The following CFAP299 variants were observed in gnomAD, a reference collection of about 807,000 sequenced individuals.
CFAP299 encodes cilia- and flagella-associated protein 299.
A neutral mutation model predicts 27.0 loss-of-function variants in CFAP299; 21 were observed. That is an observed-to-expected ratio of 0.78 (90% CI 0.55 to 1.12). CFAP299 has a LOEUF of 1.12. Ranked by LOEUF, CFAP299 falls within the 50% of genes most tolerant of loss-of-function variation. The probability of loss-of-function intolerance (pLI) is 0.00; values close to 1 mark genes in which losing one functional copy is unlikely to be tolerated. For synonymous variants in CFAP299, 104 were observed against 98.1 expected (o/e 1.06, Z -0.36); for missense variants, 310 against 276.6 (o/e 1.12, Z -0.86).
intron 2 of CFAP299, among the ~76,000 whole-genome samples, chr4:80,490,425 G>A (rs924477203): frequency 2.6e-5 from 4 of 151,988 alleles, no homozygotes; most frequent in African/African-American, 9.7e-5. Flanking sequence ...ACAAATTACC[G>A]CACACTTTTG....
chr4:80,398,123 C>T (rs1416310488), intron 2 of CFAP299, among the ~76,000 whole-genome samples: 2 of 152,170 alleles, frequency 1.3e-5, no homozygotes, highest in African/African-American at 4.8e-5. Flanking sequence ...AGGAATCCAA[C>T]TTACAAGGCA....
At chr4:80,599,676 G>T (rs1407190830) in intron 3 of CFAP299, among the ~76,000 whole-genome samples, 1 of 152,060 alleles carries the variant, frequency 6.6e-6, no homozygotes, top group Admixed American at 6.6e-5. Flanking sequence ...GTTACCTCAT[G>T]ATTGCATTGT....
intron 2 of CFAP299, among the ~76,000 whole-genome samples, chr4:80,527,325 A>C (rs1733244475): frequency 6.6e-6 from 1 of 152,124 alleles, no homozygotes; most frequent in African/African-American, 2.4e-5. Context: ...TAGGTTATGA[A>C]GGCACAGGAG....
At chr4:80,717,929 A>G (rs893218215) in intron 3 of CFAP299, among the ~76,000 whole-genome samples, 1 of 152,088 alleles carries the variant, frequency 6.6e-6, no homozygotes, top group African/African-American at 2.4e-5. Flanking sequence ...TTTTACAATC[A>G]TTTTTAGTTT....
chr4:80,929,855 G>A (rs1332006026), intron 4 of CFAP299, among the ~76,000 whole-genome samples: 1 of 152,124 alleles, frequency 6.6e-6, no homozygotes, highest in African/African-American at 2.4e-5. Context: ...CTGTGGGTAT[G>A]TCTCCAGTCT....
At chr4:80,464,951 G>C (rs1729633350) in intron 2 of CFAP299, among the ~76,000 whole-genome samples, 1 of 151,870 alleles carries the variant, frequency 6.6e-6, no homozygotes, top group Non-Finnish European at 1.5e-5. Context: ...TTTACGAATG[G>C]TATTAAAGTT....
chr4:80,593,624 A>C lies in CFAP299; in HGVS notation c.333+10441A>C, dbSNP rs1736898639. 3.9e-5 allele frequency among the ~76,000 whole-genome samples: 6 copies of C among 151,994 alleles called. 1 individual carries two copies. The South Asian group carries it at 1.2e-3, about 31-fold the overall frequency. On this transcript the variant is annotated intron_variant, in intron 3 of 5. Transcript: ENST00000358105. Reference sequence around the variant, plus strand: ...TTTTTCCTGAGCAGGCTGGCTAGAGATTTTATCCATCTTCTCAAAGAGCCA... The same window carrying C: ...TTTTTCCTGAGCAGGCTGGCTAGAGCTTTTATCCATCTTCTCAAAGAGCCA...
chr4:80,843,013 C>T (rs1730948741), intron 3 of CFAP299, among the ~76,000 whole-genome samples: 1 of 151,888 alleles, frequency 6.6e-6, no homozygotes, highest in Non-Finnish European at 1.5e-5. Flanking sequence ...GTTGGGGCAA[C>T]ATCTTTTCAC....
intron 3 of CFAP299, among the ~76,000 whole-genome samples, chr4:80,731,413 G>A (rs576113661): frequency 9.9e-5 from 15 of 152,270 alleles, no homozygotes; most frequent in East Asian, 7.7e-4. Context: ...GCATGCATGC[G>A]GAAATGCCCA....
At chr4:80,834,189 T>A (rs1023237839) in intron 3 of CFAP299, among the ~76,000 whole-genome samples, 1 of 152,186 alleles carries the variant, frequency 6.6e-6, no homozygotes, top group East Asian at 1.9e-4. Context: ...AATAAATATG[T>A]ACTGAGTAGA....
At chr4:80,960,999 A>C (rs1230178373) in intron 5 of CFAP299, among the ~76,000 whole-genome samples, 2 of 151,756 alleles carry the variant, frequency 1.3e-5, no homozygotes, top group Non-Finnish European at 3.0e-5. Context: ...TCATCTATAT[A>C]TCAAGCGAGT....
At chr4:80,929,621 CA>C (rs1438465456) in intron 4 of CFAP299, among the ~76,000 whole-genome samples, 4 of 152,000 alleles carry the variant, frequency 2.6e-5, no homozygotes, top group African/African-American at 4.8e-5. Flanking sequence ...ATCATTTTTC[CA>C]TTCTAGCCTG....
chr4:80,748,744 T>C (rs371464228), intron 3 of CFAP299, among the ~76,000 whole-genome samples: 12 of 152,296 alleles, frequency 7.9e-5, no homozygotes, highest in African/African-American at 2.6e-4. Flanking sequence ...CTCATCAATA[T>C]TATCTCTAAA....
chr4:80,927,871 A>G (rs1338437202), intron 4 of CFAP299, among the ~76,000 whole-genome samples: 1 of 152,180 alleles, frequency 6.6e-6, no homozygotes, highest in African/African-American at 2.4e-5. Context: ...CAAAGTCAGC[A>G]AAGTCCTTTT....
At chr4:80,446,847 C>T (rs1210785069) in intron 2 of CFAP299, among the ~76,000 whole-genome samples, 1 of 152,174 alleles carries the variant, frequency 6.6e-6, no homozygotes, top group Non-Finnish European at 1.5e-5. Flanking sequence ...GGAGATCAGT[C>T]AACTCATCAA....
At chr4:80,616,689 G>A (rs944009421) in intron 3 of CFAP299, among the ~76,000 whole-genome samples, 3 of 151,924 alleles carry the variant, frequency 2.0e-5, no homozygotes, top group Admixed American at 6.6e-5. Context: ...TATACTTCTC[G>A]GAGCTGTATG....
intron 3 of CFAP299, among the ~76,000 whole-genome samples, chr4:80,804,077 G>A (rs900185752): frequency 2.0e-5 from 3 of 151,980 alleles, no homozygotes; most frequent in South Asian, 2.1e-4. Context: ...AGGTGGAGGC[G>A]CTGTCATGAC....
chr4:80,404,375 G>C (rs1050333819), intron 2 of CFAP299, among the ~76,000 whole-genome samples: 2 of 152,096 alleles, frequency 1.3e-5, no homozygotes, highest in African/African-American at 4.8e-5. Context: ...CCCTATCTCT[G>C]GAGCTTTTCA....
chr4:80,654,739 C>G (rs537300483), intron 3 of CFAP299, among the ~76,000 whole-genome samples: 1 of 151,146 alleles, frequency 6.6e-6, no homozygotes, highest in Admixed American at 6.6e-5. Flanking sequence ...TCCTGAGTAG[C>G]TGGGACTATA....
Sources: gnomAD v4.1 joint callset for allele counts (sites outside exome capture counted in the v4.1 genomes callset) on GRCh38, gnomAD v4.1.1 for gene constraint, MANE v1.5 for transcripts, NCBI Gene and HGNC (gene_info 2026-07-23, HGNC 2026-07-21) for gene names.